Variants in TSPAN9 observed in about 807,000 individuals in gnomAD.
TSPAN9 encodes the protein tetraspanin-9.
In TSPAN9, 16 loss-of-function variants were observed where a neutral mutation model predicts 31.0. That is an observed-to-expected ratio of 0.52 (90% CI 0.35 to 0.78). The LOEUF is 0.78. Among genes scored for constraint, TSPAN9 ranks in the 30% least tolerant of loss-of-function variants. TSPAN9 has a pLI of 0.01. For missense variants in TSPAN9, 272 were observed against 312.5 expected, an observed-to-expected ratio of 0.87 and a Z score of 0.98; for synonymous variants, 145 against 121.6, an observed-to-expected ratio of 1.19 and a Z score of -1.27.
intron 2 of TSPAN9, among the ~76,000 whole-genome samples, chr12:3,167,400 A>G (rs77203827): frequency 0.024 from 3,607 of 152,374 alleles, 61 homozygotes; most frequent in Non-Finnish European, 0.032. Context: ...TAGGGATGAT[A>G]GGTAAACATA....
intron 2 of TSPAN9, among the ~76,000 whole-genome samples, chr12:3,114,440 A>G (rs2098321030): frequency 6.6e-6 from 1 of 152,196 alleles, no homozygotes; most frequent in Non-Finnish European, 1.5e-5. Context: ...GGTGTATAGC[A>G]TGTGTTTAAT....
intron 2 of TSPAN9, among the ~76,000 whole-genome samples, chr12:3,155,874 G>C (rs1017364541): frequency 6.6e-6 from 1 of 152,162 alleles, no homozygotes; most frequent in East Asian, 1.9e-4. Flanking sequence ...AGATCTCTAG[G>C]GGGAGATAAA....
rs1398459450 is a variant in TSPAN9, at chr12:3,168,449, A to G, written c.-17-32728A>G. On this transcript the variant is annotated intron_variant, in intron 2 of 8. Coordinates refer to ENST00000011898, the MANE Select transcript of TSPAN9 (RefSeq NM_006675.5). This position sits in a 1 kb window ranked among gnomAD's most constrained non-coding sequence, Gnocchi z 4.0. ...TGTCTGCAGCTGCTCAGCGTCAAGC[A>G]CACAGGACAGAATGAATTCAGGACA... is the stretch of plus-strand genomic sequence containing the variant. Among the ~76,000 whole-genome samples the G allele has an allele frequency of 6.6e-6, 1 of 152,214 alleles. No homozygotes were observed. The highest frequency in any genetic ancestry group is 1.5e-5 in the Non-Finnish European group (1 of 68,040).
At chr12:3,112,012 G>A (rs1591633093) in intron 2 of TSPAN9, among the ~76,000 whole-genome samples, 1 of 152,066 alleles carries the variant, frequency 6.6e-6, no homozygotes, top group South Asian at 2.1e-4. Flanking sequence ...AGGACAGGTC[G>A]CCTTTACATT....
rs140701633 is a variant in TSPAN9, at chr12:3,148,325, C to G, written c.-17-52852C>G. On this transcript the variant is annotated intron_variant, in intron 2 of 8. Transcript: ENST00000011898. The stretch of plus-strand genomic sequence containing the variant: ...GAAACTGGAAATCAAAGCCATTGGG[C>G]ATTTTAGTGGAACCAAGTTTTGGTC... Among the ~76,000 whole-genome samples the G allele has an allele frequency of 5.3e-5, 8 of 152,314 alleles. No homozygotes were observed. In the East Asian group the frequency reaches 7.7e-4, roughly 15 times the overall value.
intron 3 of TSPAN9, chr12:3,206,487 T>C: frequency 2.7e-6 from 1 of 374,662 alleles, no homozygotes; most frequent in East Asian, 7.6e-5. Context: ...ACTTGTCCTT[T>C]CCTCCCCTCT....
intron 2 of TSPAN9, among the ~76,000 whole-genome samples, chr12:3,155,724 A>T (rs930042693): frequency 6.6e-6 from 1 of 152,222 alleles, no homozygotes; most frequent in Admixed American, 6.5e-5. Flanking sequence ...AGACTGGATT[A>T]GGTGGGTGCC....
chr12:3,276,819 C>T (rs1264145654), intron 3 of TSPAN9, among the ~76,000 whole-genome samples: 1 of 152,244 alleles, frequency 6.6e-6, no homozygotes, highest in East Asian at 1.9e-4. Context: ...ACTGAATACG[C>T]AGGTGTTCAC....
At chr12:3,097,628 G>A (rs966405331) in intron 2 of TSPAN9, among the ~76,000 whole-genome samples, 17 of 152,178 alleles carry the variant, frequency 1.1e-4, no homozygotes, top group Admixed American at 8.5e-4. Context: ...GAGGAGGGGT[G>A]GCAAGTACAG....
intron 2 of TSPAN9, chr12:3,200,303 G>GA (rs1351830367): frequency 6.6e-6 from 1 of 152,260 alleles, no homozygotes; most frequent in Non-Finnish European, 1.5e-5. Context: ...AGGGCCCGGG[G>GA]AGGGGGCTCC....
intron 2 of TSPAN9, among the ~76,000 whole-genome samples, chr12:3,130,515 G>A (rs2098329366): frequency 6.6e-6 from 1 of 152,146 alleles, no homozygotes; most frequent in Admixed American, 6.5e-5. Flanking sequence ...ATGGTGTCTG[G>A]AGGCAACACC....
At chr12:3,137,270 G>C (rs565442070) in intron 2 of TSPAN9, among the ~76,000 whole-genome samples, 44 of 152,314 alleles carry the variant, frequency 2.9e-4, no homozygotes, top group African/African-American at 9.4e-4. Flanking sequence ...CTTCCCTGGA[G>C]CTCCCGCAGC....
chr12:3,270,884 G>T (rs2153980053), intron 3 of TSPAN9, among the ~76,000 whole-genome samples: 1 of 152,354 alleles, frequency 6.6e-6, no homozygotes, highest in African/African-American at 2.4e-5. Flanking sequence ...ATTGGGGAAG[G>T]GTTACAAAGT....
chr12:3,086,030 G>A (rs922388406), intron 2 of TSPAN9, among the ~76,000 whole-genome samples: 13 of 152,174 alleles, frequency 8.5e-5, no homozygotes, highest in Admixed American at 5.9e-4. Context: ...TCTCTTCTTC[G>A]TGCCCGTGCC....
At chr12:3,088,891 T>TGGGAGGCTGGC (rs2098302231) in intron 2 of TSPAN9, among the ~76,000 whole-genome samples, 1 of 151,756 alleles carries the variant, frequency 6.6e-6, no homozygotes, top group Non-Finnish European at 1.5e-5. Flanking sequence ...GGGAGGCTGG[T>TGGGAGGCTGGC]GGTGGGAGCC....
intron 2 of TSPAN9, among the ~76,000 whole-genome samples, chr12:3,193,708 C>G (rs1173405712): frequency 1.3e-5 from 2 of 152,222 alleles, no homozygotes; most frequent in African/African-American, 4.8e-5. Context: ...CTCCGTGGAG[C>G]CCCTCCAAGA....
chr12:3,136,242 G>A (rs1591642852), intron 2 of TSPAN9, among the ~76,000 whole-genome samples: 2 of 152,338 alleles, frequency 1.3e-5, no homozygotes, highest in East Asian at 3.9e-4. Context: ...TCTTTGAGGG[G>A]CAGCCCTGAA....
chr12:3,201,403 C>G (rs2098371739), intron 3 of TSPAN9, 147 bp downstream of exon 3: 1 of 694,600 alleles, frequency 1.4e-6, no homozygotes, highest in Non-Finnish European at 2.4e-6. Context: ...TGCCCCCGCC[C>G]CCCTTTCATG....
intron 2 of TSPAN9, among the ~76,000 whole-genome samples, chr12:3,122,102 G>A (rs894392973): frequency 4.6e-5 from 7 of 152,106 alleles, no homozygotes; most frequent in Non-Finnish European, 8.8e-5. Flanking sequence ...TTGGGAGGCC[G>A]AGGCAGGCAG....
Sources: gnomAD v4.1 joint callset for allele counts (sites outside exome capture counted in the v4.1 genomes callset) on GRCh38, gnomAD v4.1.1 for gene constraint, Gnocchi (gnomAD v3.1) non-coding constraint, MANE v1.5 for transcripts, NCBI Gene and HGNC (gene_info 2026-07-23, HGNC 2026-07-21) for gene names.